Variants in KIAA1217 observed in about 807,000 individuals in gnomAD.
The protein encoded by KIAA1217 is sickle tail protein homolog.
KIAA1217 carries 88 observed loss-of-function variants against 163.9 expected under a neutral mutation model. The observed-to-expected ratio is 0.54, with a 90% confidence interval of 0.45 to 0.64. KIAA1217 has a LOEUF of 0.64. Among genes scored for constraint, KIAA1217 ranks in the 30% least tolerant of loss-of-function variants. The pLI, the probability that KIAA1217 is intolerant of heterozygous loss-of-function variation, is 0.00. For synonymous variants in KIAA1217, 903 were observed against 923.1 expected (o/e 0.98, Z 0.39); for missense variants, 2,372 against 2,475.0 (o/e 0.96, Z 0.88).
intron 1 of KIAA1217, among the ~76,000 whole-genome samples, chr10:23,700,692 A>G (rs1197285882): frequency 6.6e-6 from 1 of 152,192 alleles, no homozygotes; most frequent in Non-Finnish European, 1.5e-5. Flanking sequence ...ACTTCTCCAG[A>G]TAACCTGCTT....
chr10:24,377,117 C>G (rs971516164), intron 2 of KIAA1217, among the ~76,000 whole-genome samples: 1 of 152,088 alleles, frequency 6.6e-6, no homozygotes, highest in African/African-American at 2.4e-5. Context: ...GAGACCCCTT[C>G]GAAGAAGAGA....
chr10:24,219,850 C>A lies in KIAA1217; in HGVS notation c.295C>A (p.Gln99Lys), dbSNP rs764396470. ...KREAFLEHLK[Q>K]KYPHHASAIM... ...AGAAGCGTTCCTAGAACATCTGAAG[C>A]AGAAGTACCCCCACCACGCCTCTGC... The change falls in exon 2 of 21, where the codon CAG becomes AAG. Residue 99 changes from glutamine to lysine, a missense_variant. Physicochemically the swap from Gln to Lys is moderately conservative, Grantham distance 53. This residue lies in a region of KIAA1217 where 1,431 missense variants were observed against 1,470.3 expected (regional missense o/e 0.97). Coordinates refer to ENST00000376454, the MANE Select transcript of KIAA1217 (RefSeq NM_019590.5). 6.2e-7 allele frequency: 1 copy of A among 1,613,446 alleles called. No homozygotes were observed. Among genetic ancestry groups the A allele is most frequent in the South Asian group, 1.1e-5 (1 of 91,010 alleles).
chr10:23,945,537 G>A (rs1172367636), intron 1 of KIAA1217, among the ~76,000 whole-genome samples: 1 of 152,184 alleles, frequency 6.6e-6, no homozygotes, highest in Non-Finnish European at 1.5e-5. Flanking sequence ...TTCAATTGTA[G>A]TGGCGGTTAC....
At chr10:23,864,203 G>A (rs1173756931) in intron 1 of KIAA1217, among the ~76,000 whole-genome samples, 1 of 151,838 alleles carries the variant, frequency 6.6e-6, no homozygotes, top group Non-Finnish European at 1.5e-5. Context: ...TACACCTGAT[G>A]TGAAAGCCCA....
intron 2 of KIAA1217, among the ~76,000 whole-genome samples, chr10:24,360,103 G>A (rs2049767784): frequency 7.7e-6 from 1 of 129,070 alleles, no homozygotes; most frequent in South Asian, 2.5e-4. Context: ...CCGGAGTACA[G>A]TGGCACAATC....
intron 10 of KIAA1217, 106 bp from the exon 11 acceptor site, chr10:24,520,017 C>T (rs1032949150): frequency 7.7e-7 from 1 of 1,305,712 alleles, no homozygotes; most frequent in African/African-American, 1.5e-5. Context: ...GGGGGAGGAG[C>T]TGGGGCTCTA....
rs370152894 is a variant in KIAA1217 at position 24,280,066 on chromosome 10, C to A, written c.354+60157C>A. ...ATGGCGTGCTTAGGCCCATGAGGAT[C>A]GGTTTGGTAGAGGTTGATGTTCTTC... On this transcript the variant is annotated intron_variant, in intron 2 of 20. Coordinates refer to ENST00000376454, the MANE Select transcript of KIAA1217 (RefSeq NM_019590.5). 1.2e-4 allele frequency among the ~76,000 whole-genome samples: 19 copies of A among 152,276 alleles called. 1 individual carries two copies. Among genetic ancestry groups the A allele is most frequent in the Admixed American group, 9.8e-4 (15 of 15,294 alleles).
intron 1 of KIAA1217, among the ~76,000 whole-genome samples, chr10:23,982,859 C>T (rs1589182844): frequency 6.6e-6 from 1 of 152,046 alleles, no homozygotes; most frequent in Non-Finnish European, 1.5e-5. Context: ...CCACAGCACC[C>T]GGCCTCTGTT....
chr10:24,309,005 C>T (rs2042312719), intron 2 of KIAA1217, among the ~76,000 whole-genome samples: 2 of 151,618 alleles, frequency 1.3e-5, no homozygotes, highest in South Asian at 4.2e-4. Context: ...TGCCTGTAAT[C>T]CCAGCTACTT....
intron 2 of KIAA1217, among the ~76,000 whole-genome samples, chr10:24,280,455 A>C (rs185471480): frequency 1.3e-5 from 2 of 152,342 alleles, no homozygotes; most frequent in East Asian, 3.9e-4. Flanking sequence ...ACTAATTTGA[A>C]TATACCTAGA....
intron 1 of KIAA1217, among the ~76,000 whole-genome samples, chr10:23,756,261 C>A (rs1833915146): frequency 6.6e-6 from 1 of 152,016 alleles, no homozygotes; most frequent in Middle Eastern, 3.4e-3. Context: ...CCACACCCAG[C>A]CTGAGTCCTA....
intron 2 of KIAA1217, among the ~76,000 whole-genome samples, chr10:24,140,082 G>A (rs559513597): frequency 8.6e-5 from 13 of 151,572 alleles, no homozygotes; most frequent in African/African-American, 1.5e-4. Context: ...GCAATGGGCC[G>A]GGCACAGTGG....
chr10:24,404,934 A>G (rs1257320397), intron 3 of KIAA1217, among the ~76,000 whole-genome samples: 1 of 152,230 alleles, frequency 6.6e-6, no homozygotes, highest in Non-Finnish European at 1.5e-5. Context: ...AGATAAAATT[A>G]TAGAGATGCA....
chr10:24,107,523 T>C (rs1327429440), intron 2 of KIAA1217, among the ~76,000 whole-genome samples: 1 of 152,248 alleles, frequency 6.6e-6, no homozygotes, highest in Non-Finnish European at 1.5e-5. Flanking sequence ...CATTCCCTTT[T>C]CTCTGCAATC....
At chr10:24,082,421 A>G (rs2061567747) in intron 2 of KIAA1217, among the ~76,000 whole-genome samples, 1 of 151,614 alleles carries the variant, frequency 6.6e-6, no homozygotes. Flanking sequence ...AACAGGCCCC[A>G]GTGTGTGTTG....
rs117779002 is a variant in KIAA1217, at chr10:23,779,067, G to A, written c.-321+83833G>A. The stretch of plus-strand genomic sequence containing the variant: ...CTTGTAGAAGACATTTTCATTCAAT[G>A]TTTTTATAAGATAACTTTCCTGCTA... On this transcript the variant is annotated intron_variant, in intron 1 of 18. Coordinates refer to the KIAA1217 transcript ENST00000376462. Among the ~76,000 whole-genome samples the A allele has an allele frequency of 3.9e-3, 594 of 152,226 alleles. 1 individual carries two copies. The highest frequency in any genetic ancestry group is 6.8e-3 in the Middle Eastern group (2 of 294).
At position 23,934,607 on chromosome 10, in the gene KIAA1217, G is replaced by GTA. The variant is rs1162794977; in HGVS notation, c.-320-72600_-320-72599dup. Reference sequence around the variant, plus strand: ...TATATATATGTATATATATATATATGTATATATATATATATATATTTTTTT... The same window carrying GTA: ...TATATATATGTATATATATATATATGTATATATATATATATATATATTTTTTT... On this transcript the variant is annotated intron_variant, in intron 1 of 18. Coordinates refer to the KIAA1217 transcript ENST00000376462. 5.0e-3 allele frequency among the ~76,000 whole-genome samples: 186 copies of GTA among 37,072 alleles called. 9 individuals carry two copies. The highest frequency in any genetic ancestry group is 0.019 in the Admixed American group (56 of 2,910). 24.3% of individuals were successfully genotyped at this position (37,072 alleles called of 152,430 possible). A position where few individuals can be genotyped will look rare whatever the true frequency, so the allele number is the denominator to read the frequency against.
rs184388384 is a variant in KIAA1217 at position 24,471,737 on chromosome 10, G to A, written c.847-1491G>A. Among the ~76,000 whole-genome samples, 970 of 152,160 alleles carry A rather than the reference G, an allele frequency of 6.4e-3. 6 individuals are homozygous for A. Among genetic ancestry groups the A allele is most frequent in the African/African-American group, 0.022 (903 of 41,506 alleles). ...GTCTCTACTAAAAATGCAAAAATTAGCTGGGTGTGGTGGCACATGCCTGTA... is the reference window on the plus strand; with the variant it reads ...GTCTCTACTAAAAATGCAAAAATTAACTGGGTGTGGTGGCACATGCCTGTA... On this transcript the variant is annotated intron_variant, in intron 5 of 20. Transcript: ENST00000376454.
chr10:23,836,515 C>CT (rs58429186), intron 1 of KIAA1217, among the ~76,000 whole-genome samples: 6,805 of 138,156 alleles, frequency 0.049, 175 homozygotes, highest in African/African-American at 0.076. Flanking sequence ...TCCAGAACTG[C>CT]TTTTTTTTTT....
Sources: allele counts gnomAD v4.1 joint callset (sites outside exome capture counted in the v4.1 genomes callset), GRCh38; gene constraint gnomAD v4.1.1; regional missense constraint gnomAD v4.1.1; transcripts MANE v1.5; gene names NCBI Gene and HGNC (gene_info 2026-07-23, HGNC 2026-07-21).